CPB2: variants seen among roughly 807,000 people sequenced by gnomAD.
CPB2 encodes carboxypeptidase B-like protein.
CPB2 carries 54 observed loss-of-function variants against 57.0 expected under a neutral mutation model. The ratio of observed to expected loss-of-function variants is 0.95; its 90% CI spans 0.76 to 1.19. CPB2 has a LOEUF of 1.19. CPB2 is among the 50% of genes most tolerant of loss of function. CPB2 has a pLI of 0.00. For missense variants in CPB2, 426 were observed against 512.0 expected (o/e 0.83, Z 1.62); for synonymous variants, 189 against 178.1 (o/e 1.06, Z -0.49).
chr13:46,067,779 G>C (rs2044878577), intron 6 of CPB2, among the ~76,000 whole-genome samples: 1 of 152,200 alleles, frequency 6.6e-6, no homozygotes, highest in Admixed American at 6.5e-5. Flanking sequence ...ATGTTCATCA[G>C]AGCTTAAACT....
chr13:46,094,966 A>C (rs1262398850), intron 1 of CPB2: 3 of 152,202 alleles, frequency 2.0e-5, no homozygotes, highest in Non-Finnish European at 2.9e-5. Context: ...TGACTCCTTC[A>C]GTCCTTTCCC....
chr13:46,096,421 CA>C (rs2045366954), intron 1 of CPB2: 2 of 152,156 alleles, frequency 1.3e-5, no homozygotes, highest in African/African-American at 4.8e-5. Flanking sequence ...TCATAACTGA[CA>C]CAAGTAGGAA....
At position 46,053,780 on chromosome 13, in the gene CPB2, C is replaced by A; in HGVS notation, c.1106G>T (p.Gly369Val). 6.2e-7 allele frequency: 1 copy of A among 1,613,872 alleles called. No homozygotes were observed. The highest frequency in any genetic ancestry group is 8.5e-7 in the Non-Finnish European group (1 of 1,179,852). The change falls in exon 11 of 11, where the codon GGG becomes GTG. Residue 369 changes from glycine to valine, a missense_variant. Physicochemically the swap from Gly to Val is moderately radical, Grantham distance 109. Coordinates refer to ENST00000181383, the MANE Select transcript of CPB2 (RefSeq NM_001872.5). ...SETLYLAPGG[G>V]DDWIYDLGIK... is the part of the protein sequence containing the mutation. Reference sequence around the variant, plus strand: ...GCCCAAATCATAGATCCAATCGTCCCCACCTCCAGGAGCTAGGTCTAAAAG... The same window carrying A: ...GCCCAAATCATAGATCCAATCGTCCACACCTCCAGGAGCTAGGTCTAAAAG...
chr13:46,104,875 C>A (rs139410768), intron 1 of CPB2, 61 bp downstream of exon 1: 1 of 1,598,794 alleles, frequency 6.3e-7, no homozygotes, highest in Non-Finnish European at 8.6e-7. Context: ...TGACTTGACA[C>A]GACATGAGGC....
At chr13:46,061,514 T>C (rs2044772133) in intron 8 of CPB2, among the ~76,000 whole-genome samples, 1 of 152,138 alleles carries the variant, frequency 6.6e-6, no homozygotes. Flanking sequence ...ACTGGTGCCC[T>C]TATAGGAATA....
intron 1 of CPB2, 39 bp downstream of exon 1, chr13:46,104,897 G>A (rs535089442): frequency 6.2e-7 from 1 of 1,612,850 alleles, no homozygotes; most frequent in Non-Finnish European, 8.5e-7. Context: ...AACAAGTGAG[G>A]AGAGTGGCCC....
intron 9 of CPB2, among the ~76,000 whole-genome samples, chr13:46,057,752 C>G (rs1317083016): frequency 6.6e-6 from 1 of 152,162 alleles, no homozygotes; most frequent in Non-Finnish European, 1.5e-5. Context: ...AGGGCAGGAA[C>G]AATTCCTGCT....
intron 4 of CPB2, among the ~76,000 whole-genome samples, chr13:46,080,971 CAAAAAAA>C (rs11412601): frequency 1.0e-5 from 1 of 98,652 alleles, no homozygotes; most frequent in African/African-American, 4.0e-5. Flanking sequence ...AACTCTGTCT[CAAAAAAA>C]AAAAAAAAAA....
chr13:46,093,993 A>G (rs1423611743), intron 1 of CPB2, among the ~76,000 whole-genome samples: 1 of 152,208 alleles, frequency 6.6e-6, no homozygotes, highest in Non-Finnish European at 1.5e-5. Context: ...TTTTAAACCC[A>G]AAAGAACTCC....
At chr13:46,057,049 A>G (rs2044707079) in intron 9 of CPB2, among the ~76,000 whole-genome samples, 1 of 152,064 alleles carries the variant, frequency 6.6e-6, no homozygotes, top group South Asian at 2.1e-4. Context: ...ACCATAACAC[A>G]TTCTCTTAAA....
At chr13:46,087,310 C>T (rs901908785) in intron 2 of CPB2, among the ~76,000 whole-genome samples, 1 of 152,236 alleles carries the variant, frequency 6.6e-6, no homozygotes, top group Non-Finnish European at 1.5e-5. Context: ...TCTAGATGGG[C>T]CGCCACTGCC....
intron 1 of CPB2, 146 bp from the exon 2 acceptor site, chr13:46,087,966 T>C (rs1006597695): frequency 5.1e-6 from 3 of 586,778 alleles, no homozygotes; most frequent in Non-Finnish European, 8.9e-6. Context: ...ACAGATTCAG[T>C]GTAATAAGAG....
At chr13:46,077,737 T>G (rs2045045226) in intron 5 of CPB2, among the ~76,000 whole-genome samples, 1 of 152,150 alleles carries the variant, frequency 6.6e-6, no homozygotes, top group South Asian at 2.1e-4. Context: ...AATGTGGATA[T>G]GCATGTGGAA....
chr13:46,072,444 C>G (rs189956195), intron 6 of CPB2, among the ~76,000 whole-genome samples: 1 of 151,958 alleles, frequency 6.6e-6, no homozygotes, highest in African/African-American at 2.4e-5. Context: ...TTTAAAAAGC[C>G]CTTATTGATT....
At chr13:46,104,849 C>T (rs2045474601) in intron 1 of CPB2, 87 bp downstream of exon 1, 3 of 1,505,548 alleles carry the variant, frequency 2.0e-6, no homozygotes, top group South Asian at 2.3e-5. Flanking sequence ...CCATTTTGTC[C>T]ACCAGCTCAG....
intron 5 of CPB2, among the ~76,000 whole-genome samples, chr13:46,075,620 C>T (rs1291987950): frequency 6.6e-6 from 1 of 152,176 alleles, no homozygotes; most frequent in Non-Finnish European, 1.5e-5. Flanking sequence ...ATATGTCTGC[C>T]TTGAGTCTGC....
intron 1 of CPB2, among the ~76,000 whole-genome samples, chr13:46,102,021 T>G (rs1306672633): frequency 6.6e-6 from 1 of 152,228 alleles, no homozygotes; most frequent in Non-Finnish European, 1.5e-5. Context: ...TACAGTGTTT[T>G]AAGGCCACTG....
intron 8 of CPB2, among the ~76,000 whole-genome samples, chr13:46,060,064 T>C (rs1263105093): frequency 1.3e-5 from 2 of 152,122 alleles, no homozygotes; most frequent in African/African-American, 2.4e-5. Context: ...AACCACTAAA[T>C]AGAGAGGTGG....
chr13:46,056,085 A>G (rs2044693215), intron 9 of CPB2, among the ~76,000 whole-genome samples: 1 of 151,772 alleles, frequency 6.6e-6, no homozygotes, highest in African/African-American at 2.4e-5. Context: ...GAAATAATTT[A>G]TATAAATAAA....
Sources: gnomAD v4.1 joint callset for allele counts (sites outside exome capture counted in the v4.1 genomes callset) on GRCh38, gnomAD v4.1.1 for gene constraint, MANE v1.5 for transcripts, NCBI Gene and HGNC (gene_info 2026-07-23, HGNC 2026-07-21) for gene names.